The following MAPK10 variants were observed in gnomAD, a reference collection of about 807,000 sequenced individuals.
The protein encoded by MAPK10 is JNK3 alpha protein kinase.
In MAPK10, 25 loss-of-function variants were observed where a neutral mutation model predicts 59.3. The ratio of observed to expected loss-of-function variants is 0.42; its 90% CI spans 0.31 to 0.59. The LOEUF is 0.59. Ranked by LOEUF, MAPK10 falls within the 20% of genes least tolerant of loss-of-function variation. The pLI is 0.15. For synonymous variants in MAPK10, 190 were observed against 200.5 expected (o/e 0.95, Z 0.44); for missense variants, 351 against 568.9 (o/e 0.62, Z 3.90).
intron 11 of MAPK10, among the ~76,000 whole-genome samples, chr4:86,036,874 G>T (rs1222851854): frequency 4.6e-5 from 7 of 152,154 alleles, no homozygotes; most frequent in African/African-American, 1.7e-4. Context: ...ACTCTACATA[G>T]CAATGTTGTG....
chr4:86,479,385 A>C (rs1753387857), intron 1 of MAPK10, among the ~76,000 whole-genome samples: 1 of 151,922 alleles, frequency 6.6e-6, no homozygotes, highest in Non-Finnish European at 1.5e-5. Flanking sequence ...TACAAGGTAC[A>C]GCCCATTTGA....
chr4:86,416,668 T>C (rs1745898263), intron 1 of MAPK10, among the ~76,000 whole-genome samples: 1 of 152,204 alleles, frequency 6.6e-6, no homozygotes, highest in East Asian at 1.9e-4. Flanking sequence ...GTGTGCACCT[T>C]CCTCATTTGA....
At chr4:86,518,379 T>C (rs1016844705) in intron 1 of MAPK10, among the ~76,000 whole-genome samples, 4 of 152,238 alleles carry the variant, frequency 2.6e-5, no homozygotes, top group African/African-American at 9.6e-5. Flanking sequence ...CCATTTCCTC[T>C]AGGTTTTCCA....
intron 1 of MAPK10, among the ~76,000 whole-genome samples, chr4:86,440,725 A>T (rs899452843): frequency 5.9e-5 from 9 of 152,196 alleles, no homozygotes; most frequent in Non-Finnish European, 7.3e-5. Context: ...ATTTAAAATG[A>T]TGTTTCTGGT....
At chr4:86,094,681 G>T (rs2053901069) in intron 9 of MAPK10, among the ~76,000 whole-genome samples, 1 of 151,886 alleles carries the variant, frequency 6.6e-6, no homozygotes, top group African/African-American at 2.4e-5. Context: ...GTTTGGGGTG[G>T]TGGAGGCAGT....
At chr4:86,200,502 C>T (rs2082373875) in intron 2 of MAPK10, among the ~76,000 whole-genome samples, 1 of 151,874 alleles carries the variant, frequency 6.6e-6, no homozygotes, top group South Asian at 2.1e-4. Context: ...GTAATTGTCC[C>T]TTTCCATTGC....
chr4:86,089,832 T>C (rs1221325565), intron 9 of MAPK10, among the ~76,000 whole-genome samples: 2 of 152,164 alleles, frequency 1.3e-5, no homozygotes, highest in African/African-American at 4.8e-5. Flanking sequence ...TTAGTGTCAT[T>C]GACTCTCATC....
chr4:86,180,898 A>G (rs1028646524), intron 3 of MAPK10, among the ~76,000 whole-genome samples: 3 of 152,056 alleles, frequency 2.0e-5, no homozygotes, highest in Admixed American at 2.0e-4. Context: ...ATAAAATTAG[A>G]GCTAGACAGG....
intron 1 of MAPK10, among the ~76,000 whole-genome samples, chr4:86,557,782 A>C (rs1248103867): frequency 6.6e-6 from 1 of 152,088 alleles, no homozygotes; most frequent in Non-Finnish European, 1.5e-5. Flanking sequence ...GAAACTCCGT[A>C]TGCCATTGGG....
chr4:86,111,985 T>C (rs1033127884), intron 4 of MAPK10, among the ~76,000 whole-genome samples: 2 of 152,328 alleles, frequency 1.3e-5, no homozygotes, highest in East Asian at 3.9e-4. Flanking sequence ...CTGTTTCTTC[T>C]AGATTTTCTA....
intron 1 of MAPK10, among the ~76,000 whole-genome samples, chr4:86,541,464 C>T (rs555780908): frequency 2.6e-5 from 4 of 152,160 alleles, no homozygotes; most frequent in South Asian, 4.2e-4. Context: ...TCCCAAAGAC[C>T]GCCACCAGGA....
intron 1 of MAPK10, among the ~76,000 whole-genome samples, chr4:86,449,544 G>C (rs536678369): frequency 6.6e-6 from 1 of 152,212 alleles, no homozygotes; most frequent in Admixed American, 6.5e-5. Flanking sequence ...TGTGATACAT[G>C]AACAGATGAT....
intron 4 of MAPK10, among the ~76,000 whole-genome samples, chr4:86,153,571 A>C (rs1272777355): frequency 6.6e-6 from 1 of 152,200 alleles, no homozygotes; most frequent in Non-Finnish European, 1.5e-5. Context: ...TTTATGGTTG[A>C]CACATAGAAA....
intron 1 of MAPK10, among the ~76,000 whole-genome samples, chr4:86,420,190 T>C (rs1465502380): frequency 1.3e-5 from 2 of 152,246 alleles, no homozygotes; most frequent in African/African-American, 4.8e-5. Flanking sequence ...TAGGTAGATT[T>C]GAGGAACAAG....
rs1364881223 is a variant in MAPK10 at position 86,101,971 on chromosome 4, G to C, written c.487C>G (p.His163Asp). The C allele has an allele frequency of 6.2e-7, 1 of 1,613,742 alleles. No individual in the cohort carries two copies. The highest frequency in any genetic ancestry group is 8.5e-7 in the Non-Finnish European group (1 of 1,179,778). Reference protein sequence around the residue: ...LCQVIQMELDHERMSYLLYQM... With the variant: ...LCQVIQMELDDERMSYLLYQM... ...TACAGCAGGTAAGACATTCGCTCAT[G>C]GTCTAATTCCATCTGAATCACTTGA... is the stretch of plus-strand genomic sequence containing the variant. Residue 163 changes from histidine to aspartate, a missense_variant, in exon 7 of 14, where the codon CAT becomes GAT. Coordinates refer to ENST00000641462, the MANE Select transcript of MAPK10 (RefSeq NM_138982.4).
chr4:86,415,136 CAAAAAA>C (rs5860025), intron 1 of MAPK10, among the ~76,000 whole-genome samples: 1 of 106,296 alleles, frequency 9.4e-6, no homozygotes, highest in Admixed American at 9.9e-5. Context: ...AAGATTCTGT[CAAAAAA>C]AAAAAAAAAA....
chr4:86,321,859 T>A (rs982943939), intron 2 of MAPK10: 74 of 152,172 alleles, frequency 4.9e-4, no homozygotes, highest in Admixed American at 4.3e-3. Context: ...TTTAAATTTT[T>A]AAATTTTTTT....
chr4:86,497,291 T>C (rs6828022), intron 1 of MAPK10, among the ~76,000 whole-genome samples: 5,636 of 152,218 alleles, frequency 0.037, 353 homozygotes, highest in African/African-American at 0.13. Context: ...TCTAAAAGCA[T>C]CAAAGTCACA....
chr4:86,357,927 C>G (rs1735347793), intron 1 of MAPK10: 1 of 223,030 alleles, frequency 4.5e-6, no homozygotes, highest in African/African-American at 2.3e-5. Context: ...TGAAGACTCT[C>G]TAATATTTAA....
Sources: gnomAD v4.1 joint callset for allele counts (sites outside exome capture counted in the v4.1 genomes callset) on GRCh38, gnomAD v4.1.1 for gene constraint, MANE v1.5 for transcripts, NCBI Gene and HGNC (gene_info 2026-07-23, HGNC 2026-07-21) for gene names.